The following LRP1B variants were observed in gnomAD, a reference collection of about 807,000 sequenced individuals.
The protein encoded by LRP1B is LDL receptor related protein 1B, also known as low-density lipoprotein receptor-related protein 1B.
Under a neutral mutation model 556.6 loss-of-function variants are expected in LRP1B, and 217 were observed. That is an observed-to-expected ratio of 0.39 (90% CI 0.35 to 0.44). LRP1B has a LOEUF of 0.44. Among genes scored for constraint, LRP1B ranks in the 20% least tolerant of loss-of-function variants. The pLI is 1.00. For missense variants in LRP1B, 5,053 were observed against 5,620.8 expected, an observed-to-expected ratio of 0.90 and a Z score of 3.23; for synonymous variants, 2,047 against 1,865.8, an observed-to-expected ratio of 1.10 and a Z score of -2.50.
chr2:141,859,883 G>T (rs1433505928), intron 1 of LRP1B, among the ~76,000 whole-genome samples: 10 of 152,122 alleles, frequency 6.6e-5, no homozygotes, highest in Non-Finnish European at 1.3e-4. Context: ...CCTCTTGCTT[G>T]CAATGTGCAC....
At chr2:141,442,851 C>T (rs572154130) in intron 3 of LRP1B, among the ~76,000 whole-genome samples, 2 of 152,124 alleles carry the variant, frequency 1.3e-5, no homozygotes, top group South Asian at 2.1e-4. Context: ...TGGGTTTGTT[C>T]CAAGTCTTTG....
In LRP1B at chr2:141,049,086, A is replaced by G. The variant is rs576105604; in HGVS notation, c.1689T>C (p.Phe563=). 1.7e-5 allele frequency: 28 copies of G among 1,613,640 alleles called. 1 individual carries two copies. In the East Asian group the frequency reaches 4.2e-4, roughly 24 times the overall value. ...AGTAGATGTAATTGGTTTCTGCGTG[A>G]AAGTCTAAAGCACGAGGGTTTACCA... The part of the protein sequence containing the change: ...ENLVNPRALD[F]HAETNYIYFA... The change falls in exon 11 of 91, where the codon TTT becomes TTC. Residue 563 remains phenylalanine, a synonymous_variant. Transcript: ENST00000389484.
At chr2:140,973,403 A>G (rs1035288942) in intron 18 of LRP1B, among the ~76,000 whole-genome samples, 1 of 152,124 alleles carries the variant, frequency 6.6e-6, no homozygotes, top group African/African-American at 2.4e-5. Flanking sequence ...ATTACAAAAA[A>G]GTTAAGAATT....
At chr2:141,907,336 T>C (rs1435600) in intron 1 of LRP1B, among the ~76,000 whole-genome samples, 130,864 of 151,898 alleles carry the variant, frequency 0.86, 56,567 homozygotes, top group East Asian at 1. Context: ...CTTTCATACA[T>C]TGATACTTAG....
At chr2:141,420,848 A>T (rs1260595359) in intron 3 of LRP1B, among the ~76,000 whole-genome samples, 1 of 152,198 alleles carries the variant, frequency 6.6e-6, no homozygotes, top group Non-Finnish European at 1.5e-5. Context: ...ATGGGGTGAA[A>T]CAGAAACTAG....
intron 6 of LRP1B, among the ~76,000 whole-genome samples, chr2:141,214,051 A>G (rs1170899213): frequency 6.6e-6 from 1 of 152,166 alleles, no homozygotes; most frequent in East Asian, 1.9e-4. Flanking sequence ...TTTTTTCCTA[A>G]ATATTTTTGA....
Position 140,716,549 on chromosome 2 carries a change from G to C in LRP1B, c.5893+133C>G, listed in dbSNP as rs555805838. The C allele has an allele frequency of 1.3e-5, 11 of 845,098 alleles. No homozygotes were observed. The African/African-American group carries it at 1.6e-4, about 12-fold the overall frequency. 52.3% of individuals were successfully genotyped at this position (845,098 alleles called of 1,614,324 possible). A position where few individuals can be genotyped will look rare whatever the true frequency, so the allele number is the denominator to read the frequency against. ...AGAAGGAGCGAAGCCAAAAGCAAAAGAGACTATTTACCCCTGTGGCTAGAA... is the reference window on the plus strand; with the variant it reads ...AGAAGGAGCGAAGCCAAAAGCAAAACAGACTATTTACCCCTGTGGCTAGAA... On this transcript the variant is annotated intron_variant, in intron 36 of 90. Transcript: ENST00000389484.
intron 1 of LRP1B, among the ~76,000 whole-genome samples, chr2:141,934,383 A>C (rs1700580393): frequency 6.6e-6 from 1 of 152,158 alleles, no homozygotes; most frequent in Non-Finnish European, 1.5e-5. Context: ...TAATTGATGA[A>C]AAACATAAAT....
chr2:141,693,110 C>A (rs1269150909), intron 2 of LRP1B, among the ~76,000 whole-genome samples: 1 of 152,060 alleles, frequency 6.6e-6, no homozygotes, highest in African/African-American at 2.4e-5. Flanking sequence ...ACTAAGCATG[C>A]ATCTTGCTGC....
At chr2:141,848,603 A>G (rs183921445) in intron 1 of LRP1B, among the ~76,000 whole-genome samples, 37 of 151,722 alleles carry the variant, frequency 2.4e-4, no homozygotes, top group Non-Finnish European at 4.6e-4. Context: ...AAAGATAATT[A>G]TCTTTATAAC....
chr2:140,541,163 T>C, intron 44 of LRP1B, 65 bp from the exon 45 acceptor site: 1 of 1,357,048 alleles, frequency 7.4e-7, no homozygotes. Flanking sequence ...TAGATAAATA[T>C]TAATCGTAAA....
chr2:140,503,039 T>C lies in LRP1B; in HGVS notation c.8586A>G (p.Gln2862=), dbSNP rs1249780308. 1 of 1,613,238 alleles carries C rather than the reference T, an allele frequency of 6.2e-7. No homozygotes were observed. Among genetic ancestry groups the C allele is most frequent in the Non-Finnish European group, 8.5e-7 (1 of 1,179,406 alleles). The change falls in exon 54 of 91, where the codon CAA becomes CAG. Residue 2862 remains glutamine, a synonymous_variant. Transcript: ENST00000389484. ...AGTCAAAGTCTCCATCACACTGCCA[T>C]TGAGTATTTAGAAGACACCGCCCAT... ...CADGRCLLNT[Q]WQCDGDFDCP... is the part of the protein sequence containing the mutation.
chr2:140,496,235 T>A (rs1688929362), intron 55 of LRP1B, among the ~76,000 whole-genome samples: 1 of 152,096 alleles, frequency 6.6e-6, no homozygotes, highest in South Asian at 2.1e-4. Context: ...TTGTGGCTTT[T>A]GCAATTACCT....
rs1324414098 is a variant in LRP1B, at chr2:141,062,217, T to C, written c.1070A>G (p.Asp357Gly). Reference sequence around the variant, plus strand: ...AATTATCCTTGTTCGGTTCATCCCATCCATGTCACATCTCTCCACTTTGGC... The same window carrying C: ...AATTATCCTTGTTCGGTTCATCCCACCCATGTCACATCTCTCCACTTTGGC... ...NVAKVERCDM[D>G]GMNRTRIIDS... Residue 357 changes from aspartate to glycine, a missense_variant, in exon 8 of 91, where the codon GAT becomes GGT. By Grantham distance (94) the Asp-to-Gly change is moderately conservative. Around this residue, in one of 5 missense-constraint regions of LRP1B, gnomAD observed 3,619 missense variants for 3,931.9 expected, o/e 0.92. Coordinates refer to ENST00000389484, the MANE Select transcript of LRP1B (RefSeq NM_018557.3). 6 of 1,611,544 alleles carry C rather than the reference T, an allele frequency of 3.7e-6. No homozygotes were observed. Among genetic ancestry groups the C allele is most frequent in the South Asian group, 1.1e-5 (1 of 91,014 alleles).
intron 3 of LRP1B, among the ~76,000 whole-genome samples, chr2:141,259,675 G>C (rs1428753850): frequency 6.6e-6 from 1 of 152,074 alleles, no homozygotes; most frequent in Admixed American, 6.6e-5. Context: ...GCGAAAAATT[G>C]GATTATTGTT....
chr2:140,465,595 C>A (rs763729234), intron 60 of LRP1B, among the ~76,000 whole-genome samples: 4 of 151,978 alleles, frequency 2.6e-5, no homozygotes, highest in South Asian at 2.1e-4. Flanking sequence ...TCTACTTATT[C>A]TTTTCGCACA....
At chr2:141,391,679 G>T (rs1690054749) in intron 3 of LRP1B, among the ~76,000 whole-genome samples, 2 of 152,094 alleles carry the variant, frequency 1.3e-5, no homozygotes, top group African/African-American at 4.8e-5. Flanking sequence ...CAAAAATCAG[G>T]ATTAGAGGAA....
intron 60 of LRP1B, among the ~76,000 whole-genome samples, chr2:140,463,061 G>A (rs1687389407): frequency 6.6e-6 from 1 of 152,162 alleles, no homozygotes; most frequent in African/African-American, 2.4e-5. Flanking sequence ...AAAAAACGGG[G>A]TGAGATTAAA....
At chr2:141,413,593 G>T (rs746145591) in intron 3 of LRP1B, among the ~76,000 whole-genome samples, 1 of 152,116 alleles carries the variant, frequency 6.6e-6, no homozygotes, top group Non-Finnish European at 1.5e-5. Flanking sequence ...TTAAGTTTGT[G>T]GTATTTTGTT....
Sources: gnomAD v4.1 joint callset for allele counts (sites outside exome capture counted in the v4.1 genomes callset) on GRCh38, gnomAD v4.1.1 for gene constraint, gnomAD v4.1.1 regional missense constraint, MANE v1.5 for transcripts, NCBI Gene and HGNC (gene_info 2026-07-23, HGNC 2026-07-21) for gene names.